The following PCDH15 variants were observed in gnomAD, a reference collection of about 807,000 sequenced individuals.
The protein encoded by PCDH15 is protocadherin related 15.
A neutral mutation model predicts 178.5 loss-of-function variants in PCDH15; 129 were observed. The ratio of observed to expected loss-of-function variants is 0.72; its 90% confidence interval spans 0.63 to 0.84. The LOEUF is 0.84. PCDH15 is among the 40% of genes least tolerant of loss of function. PCDH15 has a pLI of 0.00. For missense variants in PCDH15, 2,230 were observed against 2,099.9 expected (o/e 1.06, Z -1.21); for synonymous variants, 800 against 732.0 (o/e 1.09, Z -1.50).
intron 18 of PCDH15, among the ~76,000 whole-genome samples, chr10:54,046,040 T>C (rs888491097): frequency 3.9e-5 from 6 of 152,038 alleles, no homozygotes; most frequent in African/African-American, 1.4e-4. Flanking sequence ...GAAACTCAAA[T>C]AGGCATTTCG....
At chr10:55,434,314 C>T (rs61851136) in intron 2 of PCDH15, among the ~76,000 whole-genome samples, 1 of 151,476 alleles carries the variant, frequency 6.6e-6, no homozygotes, top group South Asian at 2.1e-4. Flanking sequence ...CCTTGGCCTC[C>T]CAAAGTGCTG....
At chr10:54,109,908 GTGAC>G (rs1203697941) in intron 15 of PCDH15, among the ~76,000 whole-genome samples, 1 of 152,166 alleles carries the variant, frequency 6.6e-6, no homozygotes, top group Non-Finnish European at 1.5e-5. Flanking sequence ...TTATCCTGAT[GTGAC>G]TATTATGCAC....
chr10:54,200,977 C>A (rs767861106), intron 10 of PCDH15, among the ~76,000 whole-genome samples: 1 of 152,084 alleles, frequency 6.6e-6, no homozygotes, highest in Non-Finnish European at 1.5e-5. Context: ...CGTAACACTG[C>A]GTAAGTATCT....
intron 2 of PCDH15, among the ~76,000 whole-genome samples, chr10:54,626,961 T>G (rs1016894395): frequency 6.6e-6 from 1 of 152,130 alleles, no homozygotes; most frequent in Non-Finnish European, 1.5e-5. Context: ...ATGTGAGACA[T>G]GGATTTAAAG....
chr10:54,025,114 TTGAC>T (rs2093043083), intron 18 of PCDH15, among the ~76,000 whole-genome samples: 1 of 152,314 alleles, frequency 6.6e-6, no homozygotes, highest in East Asian at 1.9e-4. Flanking sequence ...ATGGCTCAAT[TTGAC>T]TGATGTGGCT....
chr10:55,015,257 G>A (rs1412979576), intron 2 of PCDH15, among the ~76,000 whole-genome samples: 1 of 151,232 alleles, frequency 6.6e-6, no homozygotes, highest in African/African-American at 2.4e-5. Flanking sequence ...TTAAAATCTA[G>A]TTAGTCTATC....
intron 21 of PCDH15, among the ~76,000 whole-genome samples, chr10:53,982,731 T>G: frequency 6.7e-6 from 1 of 150,296 alleles, no homozygotes; most frequent in South Asian, 2.1e-4. Flanking sequence ...AATGACGAGT[T>G]AATGGGTGCA....
At chr10:54,240,807 A>AT (rs1381803477) in intron 8 of PCDH15, among the ~76,000 whole-genome samples, 2 of 151,120 alleles carry the variant, frequency 1.3e-5, no homozygotes, top group Non-Finnish European at 2.9e-5. Flanking sequence ...AATATTTTGT[A>AT]TTTTTAGGAG....
intron 3 of PCDH15, among the ~76,000 whole-genome samples, chr10:54,882,231 G>C (rs1954276869): frequency 6.6e-6 from 1 of 152,048 alleles, no homozygotes; most frequent in African/African-American, 2.4e-5. Context: ...GTTGTGAATA[G>C]ATACAGTAAG....
At chr10:55,153,275 C>T (rs534841271) in intron 2 of PCDH15, among the ~76,000 whole-genome samples, 1 of 152,138 alleles carries the variant, frequency 6.6e-6, no homozygotes, top group Admixed American at 6.6e-5. Context: ...TTGTGTCCTG[C>T]CCACAGTGGC....
intron 1 of PCDH15, among the ~76,000 whole-genome samples, chr10:55,196,910 C>T (rs184065510): frequency 1.3e-5 from 2 of 152,046 alleles, no homozygotes; most frequent in Non-Finnish European, 2.9e-5. Flanking sequence ...AATACTGTGC[C>T]ATGGTTATAT....
chr10:55,436,386 G>T (rs1317346999), intron 2 of PCDH15, among the ~76,000 whole-genome samples: 1 of 152,060 alleles, frequency 6.6e-6, no homozygotes, highest in Admixed American at 6.5e-5. Flanking sequence ...CAGTTTTAAT[G>T]AAACAGGAAT....
intron 28 of PCDH15, among the ~76,000 whole-genome samples, chr10:53,844,574 A>G (rs1475639469): frequency 6.6e-6 from 1 of 151,972 alleles, no homozygotes; most frequent in Non-Finnish European, 1.5e-5. Context: ...TCCAAAATAA[A>G]TCCACACTCT....
chr10:54,601,283 T>A (rs1466092534), intron 2 of PCDH15, among the ~76,000 whole-genome samples: 1 of 151,994 alleles, frequency 6.6e-6, no homozygotes, highest in Non-Finnish European at 1.5e-5. Context: ...ATTATGTAGC[T>A]GACAAAGGTC....
chr10:55,310,275 A>G, intron 1 of PCDH15, among the ~76,000 whole-genome samples: 1 of 152,200 alleles, frequency 6.6e-6, no homozygotes, highest in Non-Finnish European at 1.5e-5. Context: ...TGCCCCCAGC[A>G]TGTGTCTGAC....
intron 2 of PCDH15, among the ~76,000 whole-genome samples, chr10:54,585,786 T>C (rs2091420779): frequency 6.6e-6 from 1 of 152,178 alleles, no homozygotes; most frequent in Non-Finnish European, 1.5e-5. Flanking sequence ...TTTTGCTGAT[T>C]AGCTTCATTC....
At chr10:55,171,242 A>G (rs565772768) in intron 1 of PCDH15, among the ~76,000 whole-genome samples, 1 of 152,220 alleles carries the variant, frequency 6.6e-6, no homozygotes, top group African/African-American at 2.4e-5. Context: ...AATATGGCCA[A>G]TGCCAAGCTA....
intron 2 of PCDH15, among the ~76,000 whole-genome samples, chr10:54,922,174 T>C (rs912408257): frequency 8.5e-5 from 13 of 152,110 alleles, no homozygotes; most frequent in African/African-American, 3.1e-4. Flanking sequence ...TTTTAAATCA[T>C]GACCATGCCT....
chr10:54,648,399 T>C (rs971665192), intron 2 of PCDH15, among the ~76,000 whole-genome samples: 2 of 152,134 alleles, frequency 1.3e-5, no homozygotes, highest in Non-Finnish European at 2.9e-5. Flanking sequence ...TTGCTTTGGA[T>C]TGTTATCTGT....
Sources: gnomAD v4.1 joint callset for allele counts (sites outside exome capture counted in the v4.1 genomes callset) on GRCh38, gnomAD v4.1.1 for gene constraint, MANE v1.5 for transcripts, NCBI Gene and HGNC (gene_info 2026-07-23, HGNC 2026-07-21) for gene names.